The following ROBO2 variants were observed in gnomAD, a reference collection of about 807,000 sequenced individuals.
ROBO2 encodes the protein roundabout guidance receptor 2.
In ROBO2, 53 loss-of-function variants were observed where a neutral mutation model predicts 160.8. The ratio of observed to expected loss-of-function variants is 0.33; its 90% confidence interval spans 0.26 to 0.41. The LOEUF (loss-of-function observed/expected upper bound fraction) is 0.41, where lower values mean the gene tolerates loss of function less well. Among genes scored for constraint, ROBO2 ranks in the 10% least tolerant of loss-of-function variants. ROBO2 has a pLI of 1.00. For missense variants in ROBO2, 1,577 were observed against 1,722.4 expected, an observed-to-expected ratio of 0.92 and a Z score of 1.49; for synonymous variants, 664 against 611.7, an observed-to-expected ratio of 1.09 and a Z score of -1.26.
intron 2 of ROBO2, among the ~76,000 whole-genome samples, chr3:76,409,730 C>T (rs780565337): frequency 6.6e-6 from 1 of 152,066 alleles, no homozygotes; most frequent in Non-Finnish European, 1.5e-5. Flanking sequence ...TCAGCCTTCA[C>T]ATTGTAAAAG....
At chr3:76,645,093 G>C (rs1253518124) in intron 2 of ROBO2, among the ~76,000 whole-genome samples, 1 of 152,132 alleles carries the variant, frequency 6.6e-6, no homozygotes, top group Non-Finnish European at 1.5e-5. Context: ...CCATGAATAG[G>C]TGAAAAGAAA....
intron 2 of ROBO2, among the ~76,000 whole-genome samples, chr3:76,396,453 G>A (rs1020539048): frequency 7.9e-5 from 12 of 152,214 alleles, no homozygotes; most frequent in Non-Finnish European, 1.5e-4. Flanking sequence ...ATTCAACATA[G>A]TGTTGGAAGT....
intron 2 of ROBO2, among the ~76,000 whole-genome samples, chr3:76,148,020 C>G (rs141326744): frequency 1.0e-3 from 156 of 152,056 alleles, no homozygotes; most frequent in Non-Finnish European, 1.9e-3. Flanking sequence ...CACCAAATAC[C>G]TATGAGGAAG....
Position 77,419,157 on chromosome 3 carries a change from G to A in ROBO2, c.389-58257G>A, listed in dbSNP as rs527870777. 2.6e-5 allele frequency among the ~76,000 whole-genome samples: 4 copies of A among 152,034 alleles called. No homozygotes were observed. In the South Asian group the frequency reaches 8.3e-4, roughly 32 times the overall value. ...GAGACAGATTCTATAAAGGCCCAAG[G>A]CAACATAAACTCCTATGTCTGGTTT... On this transcript the variant is annotated intron_variant, in intron 2 of 25. Transcript: ENST00000461745.
At chr3:77,609,735 A>G (rs186759379) in intron 21 of ROBO2, among the ~76,000 whole-genome samples, 18 of 150,328 alleles carry the variant, frequency 1.2e-4, no homozygotes, top group Admixed American at 1.1e-3. Context: ...TATTTTCAGT[A>G]TAATTAAGAT....
chr3:76,429,312 A>T (rs993899527), intron 2 of ROBO2, among the ~76,000 whole-genome samples: 1 of 152,180 alleles, frequency 6.6e-6, no homozygotes, highest in Admixed American at 6.5e-5. Flanking sequence ...TATGTGGGTA[A>T]AAAGCGACAA....
intron 2 of ROBO2, among the ~76,000 whole-genome samples, chr3:77,228,522 G>A (rs2086767438): frequency 6.6e-6 from 1 of 150,982 alleles, no homozygotes; most frequent in African/African-American, 2.4e-5. Context: ...TCAGTTCCCT[G>A]TTGAACAATG....
In ROBO2 at chr3:76,345,377, G is replaced by A. The variant is rs558131048; in HGVS notation, c.109+407775G>A. ...GTGAGTATGAATGTGAGATGTGTGA[G>A]AATGTGTATAAACATGTGCAGGTGT... On this transcript the variant is annotated intron_variant, in intron 2 of 26. Transcript: ENST00000487694. 4.6e-5 allele frequency among the ~76,000 whole-genome samples: 7 copies of A among 150,926 alleles called. No homozygotes were observed. The East Asian group carries it at 1.4e-3, about 30-fold the overall frequency.
In ROBO2 at chr3:76,219,770, A is replaced by G. The variant is rs566484061; in HGVS notation, c.109+282168A>G. On this transcript the variant is annotated intron_variant, in intron 2 of 26. Coordinates refer to the ROBO2 transcript ENST00000487694. ...CAACCATTGTGGAAGTCAGTGTGGCAATTCCTCAGGGATCTAGAACTAGAA... is the reference window on the plus strand; with the variant it reads ...CAACCATTGTGGAAGTCAGTGTGGCGATTCCTCAGGGATCTAGAACTAGAA... 1.5e-3 allele frequency among the ~76,000 whole-genome samples: 222 copies of G among 152,312 alleles called. 2 individuals carry two copies. The highest frequency in any genetic ancestry group is 4.7e-3 in the African/African-American group (197 of 41,564).
At chr3:76,977,090 C>T (rs2059852784) in intron 2 of ROBO2, among the ~76,000 whole-genome samples, 1 of 152,060 alleles carries the variant, frequency 6.6e-6, no homozygotes, top group African/African-American at 2.4e-5. Context: ...GAAATTGAAG[C>T]TAAGTACCAG....
intron 2 of ROBO2, among the ~76,000 whole-genome samples, chr3:76,039,768 TGAAGA>T (rs762877199): frequency 6.6e-6 from 1 of 152,002 alleles, no homozygotes; most frequent in East Asian, 1.9e-4. Flanking sequence ...ATATGACTGA[TGAAGA>T]GAAGAAATAT....
chr3:76,393,294 G>C lies in ROBO2; in HGVS notation c.109+455692G>C, dbSNP rs543957999. Reference sequence around the variant, plus strand: ...CTACTGAAACAGTAAGTCCCTCATTGAACTATGGAAGTATCTCTACCTTAG... The same window carrying C: ...CTACTGAAACAGTAAGTCCCTCATTCAACTATGGAAGTATCTCTACCTTAG... On this transcript the variant is annotated intron_variant, in intron 2 of 26. Coordinates refer to the ROBO2 transcript ENST00000487694. 2.2e-4 allele frequency among the ~76,000 whole-genome samples: 34 copies of C among 152,242 alleles called. 1 individual carries two copies. Among genetic ancestry groups the C allele is most frequent in the African/African-American group, 7.9e-4 (33 of 41,552 alleles).
rs960806482 is a variant in ROBO2, at chr3:76,799,600, A to G, written c.110-298414A>G. The stretch of plus-strand genomic sequence containing the variant: ...TAACAGGGAATAATCTGAAAAAGAA[A>G]TCAAGAAAGTAATCCCATTTACAAT... On this transcript the variant is annotated intron_variant, in intron 2 of 26. Coordinates refer to the ROBO2 transcript ENST00000487694. Among the ~76,000 whole-genome samples, 12 of 152,246 alleles carry G rather than the reference A, an allele frequency of 7.9e-5. No homozygotes were observed. In the East Asian group the frequency reaches 2.1e-3, roughly 27 times the overall value.
chr3:76,499,021 C>A (rs964720160), intron 2 of ROBO2, among the ~76,000 whole-genome samples: 25 of 152,110 alleles, frequency 1.6e-4, no homozygotes, highest in African/African-American at 5.1e-4. Flanking sequence ...TCTGTATACA[C>A]CCCATCCACT....
intron 2 of ROBO2, among the ~76,000 whole-genome samples, chr3:76,878,912 TCAGGTATTTA>T (rs760627368): frequency 3.1e-4 from 47 of 152,142 alleles, no homozygotes; most frequent in Non-Finnish European, 6.0e-4. Context: ...ACTTTCCTTC[TCAGGTATTTA>T]CAGAGAGAAA....
chr3:76,807,003 A>G (rs1430987124), intron 2 of ROBO2, among the ~76,000 whole-genome samples: 2 of 152,066 alleles, frequency 1.3e-5, no homozygotes, highest in East Asian at 3.8e-4. Context: ...ATTAGAATCA[A>G]TATAATGACA....
intron 2 of ROBO2, among the ~76,000 whole-genome samples, chr3:76,650,542 G>A (rs2091208768): frequency 6.7e-6 from 1 of 149,302 alleles, no homozygotes; most frequent in Admixed American, 6.7e-5. Flanking sequence ...TATTCTTACT[G>A]AAGTGATTCT....
At chr3:76,677,832 T>G (rs1373519618) in intron 2 of ROBO2, among the ~76,000 whole-genome samples, 1 of 152,052 alleles carries the variant, frequency 6.6e-6, no homozygotes, top group Admixed American at 6.6e-5. Context: ...ATATAAGATA[T>G]TACTGCTAGC....
Position 76,922,039 on chromosome 3 carries a change from C to T in ROBO2, c.110-175975C>T, listed in dbSNP as rs145556095. Among the ~76,000 whole-genome samples the T allele has an allele frequency of 8.8e-3, 1,331 of 152,072 alleles. 9 individuals carry two copies. The highest frequency in any genetic ancestry group is 0.024 in the South Asian group (117 of 4,802). ...GTCACAAAAAAATCAAGGCCAGGCGCGATGGTTCATGCCTGTAATCCCAGC... is the reference window on the plus strand; with the variant it reads ...GTCACAAAAAAATCAAGGCCAGGCGTGATGGTTCATGCCTGTAATCCCAGC... On this transcript the variant is annotated intron_variant, in intron 2 of 26. Transcript: ENST00000487694.
Sources: allele counts gnomAD v4.1 joint callset (sites outside exome capture counted in the v4.1 genomes callset), GRCh38; gene constraint gnomAD v4.1.1; transcripts MANE v1.5; gene names NCBI Gene and HGNC (gene_info 2026-07-23, HGNC 2026-07-21).